FRY: variants seen among roughly 807,000 people sequenced by gnomAD.
The protein encoded by FRY is protein furry homolog.
A neutral mutation model predicts 348.4 loss-of-function variants in FRY; 128 were observed. The observed-to-expected ratio is 0.37, with a 90% CI of 0.32 to 0.43. FRY has a LOEUF of 0.43. FRY is among the 20% of genes least tolerant of loss of function. The pLI, the probability that FRY is intolerant of heterozygous loss-of-function variation, is 1.00. For missense variants in FRY, 2,736 were observed against 3,695.2 expected, an observed-to-expected ratio of 0.74 and a Z score of 6.73; for synonymous variants, 1,370 against 1,374.7, an observed-to-expected ratio of 1.00 and a Z score of 0.08.
At chr13:32,227,585 A>G (rs1885647096) in intron 39 of FRY, among the ~76,000 whole-genome samples, 1 of 152,206 alleles carries the variant, frequency 6.6e-6, no homozygotes, top group Admixed American at 6.5e-5. Context: ...AAGAAACAGT[A>G]TTTGCTTATG....
At chr13:32,167,536 T>A (rs1303518544) in intron 17 of FRY, among the ~76,000 whole-genome samples, 1 of 152,204 alleles carries the variant, frequency 6.6e-6, no homozygotes, top group Non-Finnish European at 1.5e-5. Context: ...CCACAACCTC[T>A]CCTTAATTTA....
intron 11 of FRY, among the ~76,000 whole-genome samples, chr13:32,140,851 T>A (rs1313372497): frequency 6.6e-6 from 1 of 152,204 alleles, no homozygotes; most frequent in Non-Finnish European, 1.5e-5. Flanking sequence ...AGTTTATTAA[T>A]GTTATCTTTA....
chr13:32,151,898 A>T (rs1014674356), intron 14 of FRY, among the ~76,000 whole-genome samples: 2 of 152,226 alleles, frequency 1.3e-5, no homozygotes, highest in African/African-American at 4.8e-5. Context: ...TGTATGAAGA[A>T]CCTAAAGAAA....
At chr13:32,142,757 G>A (rs1381126342) in intron 11 of FRY, among the ~76,000 whole-genome samples, 1 of 152,136 alleles carries the variant, frequency 6.6e-6, no homozygotes, top group Admixed American at 6.5e-5. Context: ...TACTCAGATT[G>A]TTTTTGATTT....
chr13:32,092,564 G>A (rs1272946501), intron 2 of FRY, among the ~76,000 whole-genome samples: 1 of 152,174 alleles, frequency 6.6e-6, no homozygotes, highest in Non-Finnish European at 1.5e-5. Context: ...AGGGAAGATT[G>A]GAACTCCTCA....
rs183344772 is a variant in FRY, at chr13:32,192,533, G to A, written c.3592-1610G>A. On this transcript the variant is annotated intron_variant, in intron 28 of 60. Coordinates refer to ENST00000542859, the MANE Select transcript of FRY (RefSeq NM_023037.3). ...ATTTTAAGTCATTTGCAATAATATCGTCAGCTTTTATCTGCTGCTAATTAC... is the reference window on the plus strand; with the variant it reads ...ATTTTAAGTCATTTGCAATAATATCATCAGCTTTTATCTGCTGCTAATTAC... Among the ~76,000 whole-genome samples the A allele has an allele frequency of 1.4e-4, 22 of 152,050 alleles. No individual in the cohort carries two copies. The East Asian group carries it at 1.7e-3, about 12-fold the overall frequency.
chr13:32,133,768 C>CTTTTTTTTTTTTTTTTTTTTTTTTTAT (rs34413710), intron 8 of FRY, among the ~76,000 whole-genome samples: 1 of 89,284 alleles, frequency 1.1e-5, no homozygotes, highest in Non-Finnish European at 2.1e-5. Context: ...TTCTTTCTTT[C>CTTTTTTTTTTTTTTTTTTTTTTTTTAT]TTTTTTTTTT....
intron 32 of FRY, 106 bp downstream of exon 32, chr13:32,209,215 G>A: frequency 7.9e-7 from 1 of 1,265,552 alleles, no homozygotes; most frequent in East Asian, 2.3e-5. Context: ...AAAATCACAT[G>A]ACTGGGGATA....
chr13:32,131,639 A>T lies in FRY; in HGVS notation c.717-33A>T, dbSNP rs373762870. The T allele has an allele frequency of 1.8e-5, 28 of 1,562,892 alleles. No individual in the cohort carries two copies. The African/African-American group carries it at 3.5e-4, about 20-fold the overall frequency. On this transcript the variant is annotated intron_variant, in intron 7 of 60. Transcript: ENST00000542859. ...CCCATTACAGGGACTTTCCTACCCA[A>T]TATTTGATAAACCACTTATGTTATC...
intron 1 of FRY, among the ~76,000 whole-genome samples, chr13:32,056,759 A>G (rs774533518): frequency 6.6e-6 from 1 of 152,206 alleles, no homozygotes; most frequent in Non-Finnish European, 1.5e-5. Context: ...GTTAATTGCC[A>G]TATTTCTGTG....
At chr13:32,101,244 T>C (rs891424070) in intron 2 of FRY, among the ~76,000 whole-genome samples, 6 of 152,198 alleles carry the variant, frequency 3.9e-5, no homozygotes, top group Non-Finnish European at 8.8e-5. Flanking sequence ...GCTTATACAC[T>C]CAGCATAATA....
At chr13:32,285,063 A>G (rs940411737) in intron 58 of FRY, among the ~76,000 whole-genome samples, 8 of 152,226 alleles carry the variant, frequency 5.3e-5, no homozygotes, top group African/African-American at 1.9e-4. Flanking sequence ...ATCCAATTTT[A>G]TAAATCAAGC....
In FRY at chr13:32,237,934, T is replaced by C; in HGVS notation, c.6366T>C (p.Ser2122=). Residue 2122 remains serine (S), a synonymous_variant, in exon 44 of 61, where the codon AGT becomes AGC. Transcript: ENST00000542859. The surrounding 1 kb of genome is among the most constrained non-coding windows in gnomAD (Gnocchi z 6.3). ...TTTDLTLQLF[S]LLTPVSKISM... ...CAGACCTGACCCTGCAGCTCTTCAG[T>C]CTGCTGACACCAGTGTCCAAAATAT... 1 of 1,614,110 alleles carries C rather than the reference T, an allele frequency of 6.2e-7. No individual in the cohort carries two copies. Among genetic ancestry groups the C allele is most frequent in the Non-Finnish European group, 8.5e-7 (1 of 1,179,962 alleles).
chr13:32,275,788 T>A (rs1188273672), intron 56 of FRY, among the ~76,000 whole-genome samples: 1 of 152,064 alleles, frequency 6.6e-6, no homozygotes, highest in Non-Finnish European at 1.5e-5. Flanking sequence ...ATCAAAACAG[T>A]CTCTGGCTGA....
chr13:32,276,525 TG>T lies in FRY; in HGVS notation c.8350del (p.Asp2784IlefsTer29). ...KFSVLELQEY[L>X]DTYNNRKEAT... The stretch of plus-strand genomic sequence containing the variant: ...AGTGTGTTAGAACTGCAAGAATATT[TG>T]GATACCTACAACAACAGGAAAGAGG... On this transcript the variant is annotated frameshift_variant, in exon 57 of 61. Transcript: ENST00000542859. LOFTEE classifies it high-confidence loss of function. 2 of 1,603,472 alleles carry T rather than the reference TG, an allele frequency of 1.2e-6. No individual in the cohort carries two copies. Among genetic ancestry groups the T allele is most frequent in the Non-Finnish European group, 1.7e-6 (2 of 1,170,280 alleles).
chr13:32,279,696 T>C (rs1888719424), intron 58 of FRY, among the ~76,000 whole-genome samples: 1 of 152,232 alleles, frequency 6.6e-6, no homozygotes, highest in Non-Finnish European at 1.5e-5. Context: ...CTGGAGGATC[T>C]GAAAACATCT....
intron 1 of FRY, among the ~76,000 whole-genome samples, chr13:32,052,429 C>G (rs1467273937): frequency 1.3e-5 from 2 of 152,134 alleles, no homozygotes; most frequent in African/African-American, 4.8e-5. Flanking sequence ...GTGCCCAACG[C>G]AATACCAGGC....
chr13:32,130,728 AT>A (rs1879305346), intron 7 of FRY, among the ~76,000 whole-genome samples: 1 of 152,058 alleles, frequency 6.6e-6, no homozygotes, highest in African/African-American at 2.4e-5. Flanking sequence ...TTTTGCACTT[AT>A]CAGATAAAAC....
At chr13:32,255,685 C>A (rs1333527453) in intron 51 of FRY, among the ~76,000 whole-genome samples, 3 of 152,308 alleles carry the variant, frequency 2.0e-5, no homozygotes, top group Admixed American at 1.3e-4. Context: ...TTGCAGGTTT[C>A]TGTGATCCAT....
Sources: gnomAD v4.1 joint callset for allele counts (sites outside exome capture counted in the v4.1 genomes callset) on GRCh38, gnomAD v4.1.1 for gene constraint, Gnocchi (gnomAD v3.1) non-coding constraint, MANE v1.5 for transcripts, NCBI Gene and HGNC (gene_info 2026-07-23, HGNC 2026-07-21) for gene names.